The following ANO3 variants were observed in gnomAD, a reference collection of about 807,000 sequenced individuals.
The protein encoded by ANO3 is anoctamin-3.
In ANO3, 99 loss-of-function variants were observed where a neutral mutation model predicts 144.8. The observed-to-expected ratio is 0.68, with a 90% CI of 0.58 to 0.81. The LOEUF (loss-of-function observed/expected upper bound fraction) is 0.81. Among genes scored for constraint, ANO3 ranks in the 30% least tolerant of loss-of-function variants. The probability of loss-of-function intolerance (pLI) is 0.00; values close to 1 mark genes in which losing one functional copy is unlikely to be tolerated. For synonymous variants in ANO3, 414 were observed against 392.6 expected (o/e 1.05, Z -0.64); for missense variants, 905 against 1,202.2 (o/e 0.75, Z 3.66).
At chr11:26,531,100 C>T in intron 7 of ANO3, 105 bp from the exon 8 acceptor site, 2 of 1,289,572 alleles carry the variant, frequency 1.6e-6, no homozygotes, top group Non-Finnish European at 2.2e-6. Context: ...GTTTGTGTAT[C>T]TCTTTTCAAA....
Position 26,661,156 on chromosome 11 carries a change from G to C in ANO3, c.*712G>C, listed in dbSNP as rs1853865605. ...CTTCAAGTCTCTTTTACCCCTGGCA[G>C]AGCCAGTTGCAGTGCAATTTTTTGT... On this transcript the variant is annotated 3_prime_UTR_variant, in exon 27 of 27. Transcript: ENST00000256737. 1 of 152,560 alleles carries C rather than the reference G, an allele frequency of 6.6e-6. No individual in the cohort carries two copies. 9.5% of individuals were successfully genotyped at this position (152,560 alleles called of 1,614,324 possible). A position where few individuals can be genotyped will look rare whatever the true frequency, so the allele number is the denominator to read the frequency against.
At chr11:26,503,154 A>T (rs1251344443) in intron 4 of ANO3, among the ~76,000 whole-genome samples, 3 of 152,118 alleles carry the variant, frequency 2.0e-5, no homozygotes, top group African/African-American at 7.2e-5. Flanking sequence ...TGATGAATGA[A>T]CTGCATCCCA....
chr11:26,251,506 T>C (rs1232855227), intron 1 of ANO3, among the ~76,000 whole-genome samples: 1 of 152,234 alleles, frequency 6.6e-6, no homozygotes, highest in African/African-American at 2.4e-5. Context: ...AATGAATGAA[T>C]CACATTTCTC....
intron 1 of ANO3, among the ~76,000 whole-genome samples, chr11:26,428,585 A>G (rs1857987250): frequency 6.6e-6 from 1 of 152,222 alleles, no homozygotes; most frequent in Non-Finnish European, 1.5e-5. Context: ...ATATGAAAAT[A>G]GTTTTCATCA....
chr11:26,194,429 G>T (rs1851538080), intron 1 of ANO3, among the ~76,000 whole-genome samples: 1 of 107,308 alleles, frequency 9.3e-6, no homozygotes, highest in East Asian at 2.5e-4. Flanking sequence ...CATCTTTGTG[G>T]GTACATAGTG....
At chr11:26,466,976 A>C (rs1298362776) in intron 4 of ANO3, among the ~76,000 whole-genome samples, 1 of 151,982 alleles carries the variant, frequency 6.6e-6, no homozygotes, top group Non-Finnish European at 1.5e-5. Flanking sequence ...GCATAACTGA[A>C]ATCACATGGT....
chr11:26,600,003 G>T (rs527646205), intron 17 of ANO3, among the ~76,000 whole-genome samples: 1 of 151,776 alleles, frequency 6.6e-6, no homozygotes, highest in Admixed American at 6.6e-5. Context: ...TGCTAGAGAT[G>T]GTGCCATGCA....
intron 1 of ANO3, among the ~76,000 whole-genome samples, chr11:26,260,093 A>G (rs1422472611): frequency 1.3e-5 from 2 of 150,286 alleles, no homozygotes; most frequent in African/African-American, 4.9e-5. Context: ...AGAACAAAGG[A>G]ACACTCCCTG....
chr11:26,267,501 A>T (rs1312099926), intron 1 of ANO3, among the ~76,000 whole-genome samples: 1 of 152,224 alleles, frequency 6.6e-6, no homozygotes, highest in East Asian at 1.9e-4. Context: ...ATCAATTTGC[A>T]TTATTTCATT....
chr11:26,538,361 A>G (rs1288971100), intron 10 of ANO3, among the ~76,000 whole-genome samples: 1 of 152,204 alleles, frequency 6.6e-6, no homozygotes, highest in Admixed American at 6.5e-5. Flanking sequence ...ACATACTTAT[A>G]GTAAGAATAG....
At chr11:26,243,351 A>G (rs1342718668) in intron 1 of ANO3, among the ~76,000 whole-genome samples, 1 of 149,492 alleles carries the variant, frequency 6.7e-6, no homozygotes, top group Non-Finnish European at 1.5e-5. Context: ...TTTTTTTTTC[A>G]CAGGACTTCC....
At chr11:26,628,308 T>C (rs1852659885) in intron 18 of ANO3, among the ~76,000 whole-genome samples, 1 of 152,200 alleles carries the variant, frequency 6.6e-6, no homozygotes. Context: ...AACTTCCTAC[T>C]ATACACACTA....
intron 1 of ANO3, among the ~76,000 whole-genome samples, chr11:26,378,316 T>A (rs994234254): frequency 4.7e-5 from 7 of 149,006 alleles, no homozygotes; most frequent in Non-Finnish European, 4.5e-5. Flanking sequence ...TATATATAGA[T>A]AGATAGATCT....
chr11:26,258,661 C>T (rs1478114758), intron 1 of ANO3, among the ~76,000 whole-genome samples: 1 of 152,078 alleles, frequency 6.6e-6, no homozygotes, highest in African/African-American at 2.4e-5. Flanking sequence ...TAGGGGTATT[C>T]CTAACATGTT....
Position 26,541,931 on chromosome 11 carries a change from AC to A in ANO3, c.1033-15del, listed in dbSNP as rs1407953778. 2.5e-6 allele frequency: 4 copies of A among 1,602,216 alleles called. No homozygotes were observed. The highest frequency in any genetic ancestry group is 3.4e-6 in the Non-Finnish European group (4 of 1,175,606). The stretch of plus-strand genomic sequence containing the variant: ...TAAAAAATAGAACCAAATGTATCTT[AC>A]TTTATCTGTTGCAGGGAGCCTACAA... On this transcript the variant is annotated splice_polypyrimidine_tract_variant and intron_variant, in intron 10 of 26. Coordinates refer to ENST00000256737, the MANE Select transcript of ANO3 (RefSeq NM_031418.4).
At chr11:26,201,085 G>A (rs979476568) in intron 1 of ANO3, among the ~76,000 whole-genome samples, 2 of 152,144 alleles carry the variant, frequency 1.3e-5, no homozygotes, top group East Asian at 3.9e-4. Context: ...TTTTACCAAA[G>A]CTGGCACATT....
intron 3 of ANO3, among the ~76,000 whole-genome samples, chr11:26,454,709 C>T (rs535308957): frequency 6.6e-6 from 1 of 152,190 alleles, no homozygotes; most frequent in South Asian, 2.1e-4. Flanking sequence ...AAGAGGGAAT[C>T]CTCCCTCATT....
upstream of ANO3, among the ~76,000 whole-genome samples, chr11:26,308,465 T>C (rs1338471474): frequency 1.3e-5 from 2 of 152,228 alleles, no homozygotes; most frequent in African/African-American, 4.8e-5. Context: ...TTCATTTATC[T>C]GGCAAGCAAG....
chr11:26,417,148 G>A (rs1857613218), intron 1 of ANO3, among the ~76,000 whole-genome samples: 1 of 152,014 alleles, frequency 6.6e-6, no homozygotes, highest in Non-Finnish European at 1.5e-5. Flanking sequence ...TGAATCCAAT[G>A]ATATGTTATC....
Sources: allele counts gnomAD v4.1 joint callset (sites outside exome capture counted in the v4.1 genomes callset), GRCh38; gene constraint gnomAD v4.1.1; transcripts MANE v1.5; gene names NCBI Gene and HGNC (gene_info 2026-07-23, HGNC 2026-07-21).